PCDHGA4: variants seen among roughly 807,000 people sequenced by gnomAD.
PCDHGA4 encodes the protein protocadherin gamma-A4.
PCDHGA4 carries 38 observed loss-of-function variants against 54.6 expected under a neutral mutation model. The ratio of observed to expected loss-of-function variants is 0.70; its 90% confidence interval spans 0.54 to 0.91. PCDHGA4 has a LOEUF of 0.91. PCDHGA4 is among the 40% of genes least tolerant of loss of function. The pLI, the probability that PCDHGA4 is intolerant of heterozygous loss-of-function variation, is 0.00. For missense variants in PCDHGA4, 1,298 were observed against 1,220.9 expected (o/e 1.06, Z -0.94); for synonymous variants, 511 against 512.9 (o/e 1.00, Z 0.05).
chr5:141,393,382 T>C (rs778957877), intron 1 of PCDHGA4: 7 of 1,613,948 alleles, frequency 4.3e-6, no homozygotes, highest in Non-Finnish European at 5.9e-6. Flanking sequence ...AATGGAGCCA[T>C]AAACCCAGAG....
chr5:141,410,685 A>G, intron 1 of PCDHGA4: 1 of 1,528,540 alleles, frequency 6.5e-7, no homozygotes, highest in Non-Finnish European at 8.7e-7. Flanking sequence ...TTTTAGGCAT[A>G]CTACTTTATT....
Position 141,477,968 on chromosome 5 carries a change from C to T in PCDHGA4, c.2515-16839C>T. 6.2e-7 allele frequency: 1 copy of T among 1,614,140 alleles called. No individual in the cohort carries two copies. Among genetic ancestry groups the T allele is most frequent in the Non-Finnish European group, 8.5e-7 (1 of 1,180,042 alleles). The stretch of plus-strand genomic sequence containing the variant: ...TCTCTTGGGATCCCCTAACCAGAGC[C>T]TTTTTGCCATAGGGCTGCACACTGG... On this transcript the variant is annotated intron_variant, in intron 1 of 3. Transcript: ENST00000571252. The surrounding 1 kb of genome is among the most constrained non-coding windows in gnomAD (Gnocchi z 4.9).
chr5:141,361,581 C>T (rs1306719531), intron 1 of PCDHGA4: 2 of 1,614,056 alleles, frequency 1.2e-6, no homozygotes, highest in South Asian at 1.1e-5. Flanking sequence ...CTGACTTGGG[C>T]CCCAGTGGCC....
chr5:141,394,529 C>T, intron 1 of PCDHGA4: 2 of 1,614,216 alleles, frequency 1.2e-6, no homozygotes, highest in Non-Finnish European at 8.5e-7. Flanking sequence ...CAGACGGTTC[C>T]ACTGGCGTGG....
At chr5:141,372,541 G>A (rs376822583) in intron 1 of PCDHGA4, 28 of 1,613,862 alleles carry the variant, frequency 1.7e-5, no homozygotes, top group Non-Finnish European at 2.0e-5. Flanking sequence ...CTGCGCCTGC[G>A]ATGCTCCTCC....
chr5:141,467,063 T>C (rs1405374001), intron 1 of PCDHGA4, among the ~76,000 whole-genome samples: 2 of 151,716 alleles, frequency 1.3e-5, no homozygotes, highest in African/African-American at 2.4e-5. Flanking sequence ...TTCTTTTTTT[T>C]TTTTTTTTAG....
intron 1 of PCDHGA4, chr5:141,427,973 C>G (rs754410723): frequency 3.1e-6 from 5 of 1,593,936 alleles, no homozygotes; most frequent in Non-Finnish European, 3.4e-6. Flanking sequence ...TGCTGTACCC[C>G]GCGCTGGGGC....
intron 1 of PCDHGA4, among the ~76,000 whole-genome samples, chr5:141,492,760 C>T (rs991820569): frequency 1.3e-5 from 2 of 152,212 alleles, no homozygotes; most frequent in Admixed American, 1.3e-4. Context: ...CAGGGCTCCG[C>T]GTTGGGCGAG....
chr5:141,408,909 A>G lies in PCDHGA4; in HGVS notation c.2514+51288A>G, dbSNP rs746399377. On this transcript the variant is annotated intron_variant, in intron 1 of 3. Transcript: ENST00000571252. ...ATAGAAATTTCTGTCAAGGATACCA[A>G]TGATAACCCCCCGGTTTTCAGCAGA... 1.3e-5 allele frequency: 21 copies of G among 1,613,442 alleles called. No individual in the cohort carries two copies. In the East Asian group the frequency reaches 2.5e-4, roughly 19 times the overall value.
chr5:141,403,315 A>C, intron 1 of PCDHGA4: 1 of 1,613,974 alleles, frequency 6.2e-7, no homozygotes, highest in African/African-American at 1.3e-5. Flanking sequence ...GAATAGAAAT[A>C]GAAGTAACTG....
chr5:141,358,561 A>G (rs940121879), intron 1 of PCDHGA4, among the ~76,000 whole-genome samples: 2 of 152,242 alleles, frequency 1.3e-5, no homozygotes, highest in Admixed American at 1.3e-4. Flanking sequence ...GAGATGCACC[A>G]GAAGTGACTA....
rs531352412 is a variant in PCDHGA4, at chr5:141,382,380, A to G, written c.2514+24759A>G. ...AATAAAATTTACCTTTTTGCCTTCAATAACTGATTTTCCCATGTGCAATAA... is the reference window on the plus strand; with the variant it reads ...AATAAAATTTACCTTTTTGCCTTCAGTAACTGATTTTCCCATGTGCAATAA... On this transcript the variant is annotated intron_variant, in intron 1 of 3. Coordinates refer to ENST00000571252, the MANE Select transcript of PCDHGA4 (RefSeq NM_018917.4). 3.3e-5 allele frequency among the ~76,000 whole-genome samples: 5 copies of G among 152,324 alleles called. No individual in the cohort carries two copies. The South Asian group carries it at 8.3e-4, about 25-fold the overall frequency.
At chr5:141,370,773 A>G in intron 1 of PCDHGA4, 2 of 1,614,002 alleles carry the variant, frequency 1.2e-6, no homozygotes, top group Non-Finnish European at 1.7e-6. Flanking sequence ...CCAGGATATT[A>G]ACGACAACCC....
intron 1 of PCDHGA4, chr5:141,427,892 C>A (rs752723370): frequency 9.9e-5 from 155 of 1,567,044 alleles, no homozygotes; most frequent in Non-Finnish European, 1.3e-4. Context: ...ACGACCAGGG[C>A]TCGCCCGCGC....
intron 1 of PCDHGA4, among the ~76,000 whole-genome samples, chr5:141,482,723 A>G (rs1441054551): frequency 2.3e-5 from 3 of 128,892 alleles, no homozygotes; most frequent in Non-Finnish European, 4.9e-5. Context: ...GGGAGGGGCC[A>G]TTGCAAGAAA....
chr5:141,423,070 C>G, intron 1 of PCDHGA4: 1 of 1,614,132 alleles, frequency 6.2e-7, no homozygotes, highest in Non-Finnish European at 8.5e-7. Flanking sequence ...GGCCAGCGAG[C>G]CGGGACTCTT....
rs766516627 is a variant in PCDHGA4 at position 141,398,178 on chromosome 5, C to G, written c.2514+40557C>G. The G allele has an allele frequency of 8.2e-6, 12 of 1,472,146 alleles. No individual in the cohort carries two copies. The South Asian group carries it at 8.4e-5, about 10-fold the overall frequency. The allele number at this position is 1,472,146 out of a possible 1,614,324, so 91.2% of individuals were successfully genotyped here. A position where few individuals can be genotyped will look rare whatever the true frequency, so the allele number is the denominator to read the frequency against. ...GCCGGGCTGAGAGGCTGCCAGTGCT[C>G]TTTCTCTTCCTGCTGTCTTTGTTCT... On this transcript the variant is annotated intron_variant, in intron 1 of 3. Coordinates refer to ENST00000571252, the MANE Select transcript of PCDHGA4 (RefSeq NM_018917.4).
intron 1 of PCDHGA4, among the ~76,000 whole-genome samples, chr5:141,380,852 C>A (rs1429709070): frequency 6.6e-6 from 1 of 152,182 alleles, no homozygotes; most frequent in Non-Finnish European, 1.5e-5. Context: ...TGGATCAAGA[C>A]ATTGAGAGCT....
intron 1 of PCDHGA4, chr5:141,422,231 T>A: frequency 3.2e-6 from 5 of 1,566,292 alleles, no homozygotes; most frequent in Non-Finnish European, 4.3e-6. Context: ...ACGACGATGT[T>A]GATCACTGTT....
Sources: gnomAD v4.1 joint callset for allele counts (sites outside exome capture counted in the v4.1 genomes callset) on GRCh38, gnomAD v4.1.1 for gene constraint, Gnocchi (gnomAD v3.1) non-coding constraint, MANE v1.5 for transcripts, NCBI Gene and HGNC (gene_info 2026-07-23, HGNC 2026-07-21) for gene names.